ELOVL6: variants seen among roughly 807,000 people sequenced by gnomAD.
The protein encoded by ELOVL6 is ELOVL fatty acid elongase 6.
In ELOVL6, 8 loss-of-function variants were observed where a neutral mutation model predicts 31.7. The observed-to-expected ratio is 0.25, with a 90% CI of 0.15 to 0.45. The LOEUF is 0.45. Among genes scored for constraint, ELOVL6 ranks in the 20% least tolerant of loss-of-function variants. ELOVL6 has a pLI of 1.00. For synonymous variants in ELOVL6, 101 were observed against 117.7 expected (o/e 0.86, Z 0.92); for missense variants, 126 against 326.4 (o/e 0.39, Z 4.73).
chr4:110,113,083 C>T (rs1309998868), intron 1 of ELOVL6, among the ~76,000 whole-genome samples: 1 of 151,780 alleles, frequency 6.6e-6, no homozygotes, highest in East Asian at 1.9e-4. Context: ...AAAAAATTAG[C>T]CAGGCGTGGT....
chr4:110,061,605 G>A (rs1171328388), intron 2 of ELOVL6, among the ~76,000 whole-genome samples: 1 of 129,744 alleles, frequency 7.7e-6, no homozygotes, highest in Non-Finnish European at 1.5e-5. Flanking sequence ...CAGCCAGGCT[G>A]GAGTACAGTG....
intron 1 of ELOVL6, among the ~76,000 whole-genome samples, chr4:110,192,590 T>C (rs1216771951): frequency 1.3e-5 from 2 of 152,212 alleles, no homozygotes; most frequent in African/African-American, 4.8e-5. Flanking sequence ...ATGGATAATA[T>C]AATCATAAAA....
intron 1 of ELOVL6, among the ~76,000 whole-genome samples, chr4:110,181,413 AC>A (rs145237460): frequency 0.016 from 2,385 of 152,228 alleles, 63 homozygotes; most frequent in African/African-American, 0.054. Context: ...GCACCTCTGC[AC>A]TCTAGCCTGA....
chr4:110,178,868 G>A (rs1039357450), intron 1 of ELOVL6, among the ~76,000 whole-genome samples: 4 of 152,012 alleles, frequency 2.6e-5, no homozygotes, highest in Admixed American at 2.6e-4. Flanking sequence ...AAAAAGTTTT[G>A]AAAGACTTAC....
At chr4:110,123,356 A>G (rs1172677713) in intron 1 of ELOVL6, among the ~76,000 whole-genome samples, 3 of 152,244 alleles carry the variant, frequency 2.0e-5, no homozygotes, top group Non-Finnish European at 4.4e-5. Context: ...GATTTAAATT[A>G]TTCATTCAGC....
rs939587440 is a variant in ELOVL6 at position 110,062,017 on chromosome 4, G to T, written c.222-2263C>A. 2.0e-5 allele frequency among the ~76,000 whole-genome samples: 3 copies of T among 152,056 alleles called. No homozygotes were observed. The South Asian group carries it at 6.2e-4, about 32-fold the overall frequency. ...CACAAGTTCATTTATTCTTTCAGTG[G>T]TCAAATATTTATTGGCATGGTTTTA... On this transcript the variant is annotated intron_variant, in intron 2 of 3. Coordinates refer to ENST00000302274, the MANE Select transcript of ELOVL6 (RefSeq NM_024090.3).
chr4:110,145,056 C>G (rs1031535582), intron 1 of ELOVL6, among the ~76,000 whole-genome samples: 2 of 151,758 alleles, frequency 1.3e-5, no homozygotes, highest in Non-Finnish European at 2.9e-5. Context: ...GCACACAGAC[C>G]AGCTGGAGGA....
At chr4:110,186,803 C>CAAAAA (rs397994948) in intron 1 of ELOVL6, among the ~76,000 whole-genome samples, 2 of 82,546 alleles carry the variant, frequency 2.4e-5, no homozygotes, top group African/African-American at 1.0e-4. Flanking sequence ...GACTCTGTCT[C>CAAAAA]AAAAAAAAAA....
chr4:110,099,009 T>C (rs560466189), intron 2 of ELOVL6, among the ~76,000 whole-genome samples: 1 of 152,302 alleles, frequency 6.6e-6, no homozygotes. Flanking sequence ...GTTCTAAAAT[T>C]TGTCATTTTC....
intron 3 of ELOVL6, among the ~76,000 whole-genome samples, chr4:110,054,853 G>A (rs1754935368): frequency 6.6e-6 from 1 of 152,088 alleles, no homozygotes; most frequent in South Asian, 2.1e-4. Flanking sequence ...GGAGTGGAGG[G>A]TAGGAGGAGG....
chr4:110,126,172 T>A (rs1049367941), intron 1 of ELOVL6, among the ~76,000 whole-genome samples: 1 of 152,052 alleles, frequency 6.6e-6, no homozygotes, highest in African/African-American at 2.4e-5. Flanking sequence ...GCCTCCCAAG[T>A]AGCTAGGACT....
intron 2 of ELOVL6, among the ~76,000 whole-genome samples, chr4:110,091,368 T>G (rs903500539): frequency 1.3e-5 from 2 of 152,200 alleles, no homozygotes; most frequent in Non-Finnish European, 2.9e-5. Flanking sequence ...ACTGGAAAAG[T>G]ACTAGAGTTT....
intron 1 of ELOVL6, among the ~76,000 whole-genome samples, chr4:110,180,099 C>T (rs929165279): frequency 1.3e-5 from 2 of 152,184 alleles, no homozygotes; most frequent in Non-Finnish European, 2.9e-5. Context: ...TGGTATAATT[C>T]TCAAAAACAC....
At chr4:110,158,831 C>A (rs995151555) in intron 1 of ELOVL6, among the ~76,000 whole-genome samples, 1 of 151,302 alleles carries the variant, frequency 6.6e-6, no homozygotes, top group African/African-American at 2.4e-5. Context: ...CGGCTAATTT[C>A]TGTATTTTTA....
rs1754702346 is a variant in ELOVL6, at chr4:110,046,557, C to T, written c.*4781G>A. 6.6e-6 allele frequency: 1 copy of T among 152,238 alleles called. No homozygotes were observed. Among genetic ancestry groups the T allele is most frequent in the African/African-American group, 2.4e-5 (1 of 41,444 alleles). The allele number at this position is 152,238 out of a possible 1,614,324, so 9.4% of individuals were successfully genotyped here. A position where few individuals can be genotyped will look rare whatever the true frequency, so the allele number is the denominator to read the frequency against. On this transcript the variant is annotated 3_prime_UTR_variant, in exon 4 of 4. Coordinates refer to ENST00000302274, the MANE Select transcript of ELOVL6 (RefSeq NM_024090.3). ...GAGAATTCCCCCTGCCATCTGTGAG[C>T]TCTGAATTGTCAAAGTCTCTGAGGA... is the stretch of plus-strand genomic sequence containing the variant.
intron 1 of ELOVL6, among the ~76,000 whole-genome samples, chr4:110,136,942 A>T (rs1181272096): frequency 6.6e-6 from 1 of 152,132 alleles, no homozygotes; most frequent in Non-Finnish European, 1.5e-5. Context: ...GAGCTGTGAC[A>T]CTCATATAAA....
At chr4:110,052,851 T>A (rs11098066) in intron 3 of ELOVL6, among the ~76,000 whole-genome samples, 3,800 of 152,332 alleles carry the variant, frequency 0.025, 231 homozygotes, top group East Asian at 0.16. Context: ...ATCTCTATGG[T>A]TATGAGACAT....
In ELOVL6 at chr4:110,147,132, T is replaced by G. The variant is rs28514555; in HGVS notation, c.90-41504A>C. 287 of 163,200 alleles carry G rather than the reference T, an allele frequency of 1.8e-3. 1 individual carries two copies. Among genetic ancestry groups the G allele is most frequent in the African/African-American group, 6.7e-3 (278 of 41,612 alleles). 10.1% of individuals were successfully genotyped at this position (163,200 alleles called of 1,614,324 possible). A position where few individuals can be genotyped will look rare whatever the true frequency, so the allele number is the denominator to read the frequency against. Reference sequence around the variant, plus strand: ...CATACAGGAGCTCTCCCTGCCACACTGAGAAGATCCTTACTGAAAAGGAAC... The same window carrying G: ...CATACAGGAGCTCTCCCTGCCACACGGAGAAGATCCTTACTGAAAAGGAAC... On this transcript the variant is annotated intron_variant, in intron 1 of 3. Transcript: ENST00000302274.
In ELOVL6 at chr4:110,046,310, C is replaced by G. The variant is rs1372903517; in HGVS notation, c.*5028G>C. 1 of 152,172 alleles carries G rather than the reference C, an allele frequency of 6.6e-6. No homozygotes were observed. Among genetic ancestry groups the G allele is most frequent in the African/African-American group, 2.4e-5 (1 of 41,418 alleles). The allele number at this position is 152,172 out of a possible 1,614,324, so 9.4% of individuals were successfully genotyped here. On this transcript the variant is annotated 3_prime_UTR_variant, in exon 4 of 4. Transcript: ENST00000302274. ...CTTATGGGACCAGTTATTAATTTAA[C>G]CAGTTACTTCAGAAGAGGTTACTAC...
Sources: allele counts gnomAD v4.1 joint callset (sites outside exome capture counted in the v4.1 genomes callset), GRCh38; gene constraint gnomAD v4.1.1; transcripts MANE v1.5; gene names NCBI Gene and HGNC (gene_info 2026-07-23, HGNC 2026-07-21).